KCNQ5: variants seen among roughly 807,000 people sequenced by gnomAD.
The protein encoded by KCNQ5 is potassium voltage-gated channel subfamily KQT member 5.
KCNQ5 carries 30 observed loss-of-function variants against 98.2 expected under a neutral mutation model. The observed-to-expected ratio is 0.31, with a 90% CI of 0.23 to 0.41. KCNQ5 has a LOEUF of 0.41. Ranked by LOEUF, KCNQ5 falls within the 10% of genes least tolerant of loss-of-function variation. KCNQ5 has a pLI of 1.00. For missense variants in KCNQ5, 835 were observed against 1,182.5 expected (o/e 0.71, Z 4.31); for synonymous variants, 458 against 449.4 (o/e 1.02, Z -0.24).
chr6:72,930,644 T>C (rs1765652311), intron 1 of KCNQ5, among the ~76,000 whole-genome samples: 1 of 151,742 alleles, frequency 6.6e-6, no homozygotes, highest in Non-Finnish European at 1.5e-5. Context: ...ATCTAATTTA[T>C]GTTAAACTTT....
intron 2 of KCNQ5, among the ~76,000 whole-genome samples, chr6:73,028,674 C>G (rs1226075139): frequency 6.6e-5 from 10 of 152,182 alleles, no homozygotes; most frequent in Admixed American, 6.5e-4. Context: ...TGGGCAGACT[C>G]TTAGTTCTGA....
intron 1 of KCNQ5, among the ~76,000 whole-genome samples, chr6:72,865,792 T>C (rs76953431): frequency 5.3e-5 from 8 of 152,346 alleles, no homozygotes; most frequent in Non-Finnish European, 1.0e-4. Flanking sequence ...AGTCATTTTA[T>C]CAGTGTGTAG....
chr6:73,018,785 T>C (rs1257267242), intron 2 of KCNQ5, among the ~76,000 whole-genome samples: 1 of 152,208 alleles, frequency 6.6e-6, no homozygotes, highest in African/African-American at 2.4e-5. Context: ...TATGAAATTG[T>C]ACATACAGTA....
intron 11 of KCNQ5, among the ~76,000 whole-genome samples, chr6:73,187,087 T>C (rs1211037888): frequency 1.4e-4 from 20 of 144,940 alleles, no homozygotes; most frequent in African/African-American, 4.9e-4. Context: ...TGAGACGGAG[T>C]CTTGCTCTGT....
chr6:72,942,707 T>C lies in KCNQ5; in HGVS notation c.399-61201T>C, dbSNP rs187926676. Among the ~76,000 whole-genome samples the C allele has an allele frequency of 6.0e-3, 910 of 152,318 alleles. 7 individuals are homozygous for C. The highest frequency in any genetic ancestry group is 0.012 in the South Asian group (59 of 4,830). ...TTTCCTCCCGTGTTCACTGTGGTGC[T>C]ATGGGGACTCTACGGTGATATGGAA... On this transcript the variant is annotated intron_variant, in intron 1 of 13. Coordinates refer to ENST00000370398, the MANE Select transcript of KCNQ5 (RefSeq NM_019842.4).
chr6:72,754,235 A>T lies in KCNQ5; in HGVS notation c.398+131648A>T, dbSNP rs187560396. Among the ~76,000 whole-genome samples, 176 of 152,116 alleles carry T rather than the reference A, an allele frequency of 1.2e-3. No homozygotes were observed. The Middle Eastern group carries it at 0.017, about 15-fold the overall frequency. On this transcript the variant is annotated intron_variant, in intron 1 of 13. Transcript: ENST00000370398. Reference sequence around the variant, plus strand: ...TGCTGAGGGTTTTTATCATTAATGGATGCTAAATTTTGTCAAATGCTATTT... The same window carrying T: ...TGCTGAGGGTTTTTATCATTAATGGTTGCTAAATTTTGTCAAATGCTATTT...
intron 1 of KCNQ5, among the ~76,000 whole-genome samples, chr6:72,818,991 T>C (rs1775631748): frequency 6.6e-6 from 1 of 151,962 alleles, no homozygotes. Flanking sequence ...CTGCGTGCAT[T>C]CATTATGAGG....
intron 7 of KCNQ5, 28 bp downstream of exon 7, chr6:73,111,431 C>T: frequency 1.4e-6 from 2 of 1,465,864 alleles, no homozygotes; most frequent in Non-Finnish European, 1.9e-6. Flanking sequence ...AGGTAGATGG[C>T]AACATTTGTG....
chr6:72,852,640 A>AAAATATATATATATATATATATAT (rs1777311943), intron 1 of KCNQ5, among the ~76,000 whole-genome samples: 1 of 56,802 alleles, frequency 1.8e-5, no homozygotes, highest in African/African-American at 8.9e-5. Context: ...ATGAAGGGGA[A>AAAATATATATATATATATATATAT]ATATATATAT....
intron 1 of KCNQ5, among the ~76,000 whole-genome samples, chr6:72,994,614 C>T (rs992634939): frequency 2.6e-5 from 4 of 151,400 alleles, no homozygotes; most frequent in East Asian, 2.0e-4. Context: ...AGAAATCACC[C>T]GTCTTCTGCG....
At chr6:72,749,007 C>G (rs1771543615) in intron 1 of KCNQ5, among the ~76,000 whole-genome samples, 1 of 152,156 alleles carries the variant, frequency 6.6e-6, no homozygotes, top group South Asian at 2.1e-4. Flanking sequence ...ACTCCCTGAC[C>G]ACCTGTGGTT....
intron 1 of KCNQ5, among the ~76,000 whole-genome samples, chr6:72,774,429 T>C (rs1773061964): frequency 6.6e-6 from 1 of 152,152 alleles, no homozygotes; most frequent in Non-Finnish European, 1.5e-5. Flanking sequence ...AAGCAAAGAT[T>C]TCTTAAACTA....
At chr6:73,104,442 AT>A (rs149357782) in intron 5 of KCNQ5, among the ~76,000 whole-genome samples, 4,052 of 152,314 alleles carry the variant, frequency 0.027, 86 homozygotes, top group East Asian at 0.099. Context: ...AAAAAAATAA[AT>A]TGAAGAAGTC....
chr6:72,806,474 G>C (rs1774965081), intron 1 of KCNQ5, among the ~76,000 whole-genome samples: 1 of 152,014 alleles, frequency 6.6e-6, no homozygotes, highest in Admixed American at 6.6e-5. Context: ...TCTTCAAAAA[G>C]ATAACATAAA....
intron 1 of KCNQ5, among the ~76,000 whole-genome samples, chr6:72,802,760 G>A (rs1029030827): frequency 6.6e-5 from 10 of 152,256 alleles, no homozygotes; most frequent in Admixed American, 3.3e-4. Context: ...AAATAGAGCA[G>A]AGGCCTGAAT....
chr6:72,641,739 G>A (rs910070373), intron 1 of KCNQ5, among the ~76,000 whole-genome samples: 2 of 151,886 alleles, frequency 1.3e-5, no homozygotes, highest in African/African-American at 4.8e-5. Context: ...AATTATGAAG[G>A]AGAAAAGAAT....
intron 11 of KCNQ5, 127 bp from the exon 12 acceptor site, chr6:73,190,446 G>A (rs1030690026): frequency 1.1e-5 from 5 of 447,572 alleles, no homozygotes; most frequent in Non-Finnish European, 1.9e-5. Context: ...CACATCTGCA[G>A]AAGCCAAAAA....
intron 1 of KCNQ5, among the ~76,000 whole-genome samples, chr6:72,763,057 T>A (rs1225456284): frequency 6.6e-6 from 1 of 152,150 alleles, no homozygotes; most frequent in Non-Finnish European, 1.5e-5. Flanking sequence ...CCATAAATGG[T>A]AGATTTTAGT....
chr6:72,635,328 C>T (rs1220749480), intron 1 of KCNQ5, among the ~76,000 whole-genome samples: 1 of 152,084 alleles, frequency 6.6e-6, no homozygotes, highest in Non-Finnish European at 1.5e-5. Context: ...CTGTGCTTGG[C>T]CCTGAATAAT....
Sources: gnomAD v4.1 joint callset for allele counts (sites outside exome capture counted in the v4.1 genomes callset) on GRCh38, gnomAD v4.1.1 for gene constraint, MANE v1.5 for transcripts, NCBI Gene and HGNC (gene_info 2026-07-23, HGNC 2026-07-21) for gene names.